The following MYOM2 variants were observed in gnomAD, a reference collection of about 807,000 sequenced individuals.
MYOM2 encodes the protein myomesin-2.
MYOM2 carries 254 observed loss-of-function variants against 187.6 expected under a neutral mutation model. The ratio of observed to expected loss-of-function variants is 1.35; its 90% CI spans 1.22 to 1.50. The LOEUF (loss-of-function observed/expected upper bound fraction) is 1.50. Among genes scored for constraint, MYOM2 ranks in the 40% most tolerant of loss-of-function variants. The probability of loss-of-function intolerance (pLI) is 0.00; values close to 1 mark genes in which losing one functional copy is unlikely to be tolerated. For synonymous variants in MYOM2, 981 were observed against 753.8 expected (o/e 1.30, Z -4.94); for missense variants, 2,796 against 1,924.0 (o/e 1.45, Z -8.48).
At chr8:2,102,030 G>A (rs1796727091) in intron 20 of MYOM2, 1 of 152,284 alleles carries the variant, frequency 6.6e-6, no homozygotes, top group Non-Finnish European at 1.5e-5. Flanking sequence ...CCTGTGGTGG[G>A]GTGGGCCTGC....
intron 31 of MYOM2, among the ~76,000 whole-genome samples, chr8:2,124,707 C>T (rs1797577960): frequency 6.6e-6 from 1 of 152,196 alleles, no homozygotes; most frequent in South Asian, 2.1e-4. Context: ...TATTAATTTA[C>T]ATGCCACCAA....
chr8:2,118,607 G>C (rs1797324668), intron 28 of MYOM2, among the ~76,000 whole-genome samples: 1 of 152,254 alleles, frequency 6.6e-6, no homozygotes. Context: ...GCAGGCCAGT[G>C]AGTGGGAAAA....
rs1798248774 is a variant in MYOM2, at chr8:2,140,820, A to G, written c.3898A>G (p.Lys1300Glu). ...ICEPTEKDKG[K>E]YTFEIFDGKD... is the part of the protein sequence containing the mutation. ...TGAGCCGACTGAGAAGGATAAAGGA[A>G]AATACACTTTTGAGATTTTCGATGG... Residue 1300 changes from lysine (K) to glutamate (E), a missense_variant, in exon 33 of 37, where the codon AAA becomes GAA. Lys to Glu is a moderately conservative substitution (Grantham distance 56). Coordinates refer to ENST00000262113, the MANE Select transcript of MYOM2 (RefSeq NM_003970.4). 5.6e-6 allele frequency: 9 copies of G among 1,613,998 alleles called. No individual in the cohort carries two copies. The highest frequency in any genetic ancestry group is 1.3e-5 in the African/African-American group (1 of 74,934).
intron 6 of MYOM2, among the ~76,000 whole-genome samples, chr8:2,064,203 G>A (rs1818939613): frequency 6.6e-6 from 1 of 152,184 alleles, no homozygotes; most frequent in South Asian, 2.1e-4. Context: ...GCAGGCAGGG[G>A]GCAAACCCTG....
In MYOM2 at chr8:2,078,934, G is replaced by T. The variant is rs140950205; in HGVS notation, c.1462+1G>T. The T allele has an allele frequency of 9.9e-6, 16 of 1,613,564 alleles. No homozygotes were observed. In the African/African-American group the frequency reaches 1.9e-4, roughly 19 times the overall value. On this transcript the variant is annotated splice_donor_variant, in intron 12 of 36. Transcript: ENST00000262113. LOFTEE classifies it high-confidence loss of function. ...CCCTTGGACCTCAGAAGGTTACAAG[G>T]TAAGCTGCTCACGCCTAAGTATCCA...
chr8:2,127,935 G>C (rs1797714277), intron 31 of MYOM2: 1 of 152,352 alleles, frequency 6.6e-6, no homozygotes. Flanking sequence ...AAAACAAAGA[G>C]CTTCACCATC....
intron 34 of MYOM2, 145 bp downstream of exon 34, chr8:2,141,322 C>T (rs968463611): frequency 5.5e-5 from 35 of 631,678 alleles, no homozygotes; most frequent in Middle Eastern, 5.1e-4. Flanking sequence ...TTAAGCAATG[C>T]AGTATATGGA....
intron 8 of MYOM2, among the ~76,000 whole-genome samples, chr8:2,071,852 G>A (rs1236782883): frequency 6.6e-6 from 1 of 152,120 alleles, no homozygotes; most frequent in Non-Finnish European, 1.5e-5. Context: ...GTGTCCTCAC[G>A]TGGAAGGAAG....
At chr8:2,065,890 C>A (rs900142244) in intron 6 of MYOM2, among the ~76,000 whole-genome samples, 6 of 152,180 alleles carry the variant, frequency 3.9e-5, no homozygotes, top group African/African-American at 1.4e-4. Flanking sequence ...AGTTTAAAAA[C>A]GGCTAAAACA....
At chr8:2,138,891 G>C (rs1798175126) in intron 32 of MYOM2, among the ~76,000 whole-genome samples, 1 of 152,002 alleles carries the variant, frequency 6.6e-6, no homozygotes. Flanking sequence ...GGCTTAGTGT[G>C]CGCCAGGATC....
At chr8:2,045,807 G>A (rs921616440) in intron 1 of MYOM2, among the ~76,000 whole-genome samples, 6 of 152,312 alleles carry the variant, frequency 3.9e-5, no homozygotes, top group Middle Eastern at 3.4e-3. Context: ...TTCTCAGGGC[G>A]TGCTCTTGAA....
At chr8:2,061,573 C>T (rs760306486) in intron 6 of MYOM2, among the ~76,000 whole-genome samples, 66 of 152,230 alleles carry the variant, frequency 4.3e-4, no homozygotes, top group Non-Finnish European at 8.1e-4. Flanking sequence ...CCGGTGGTGC[C>T]CCTCCCCGAG....
chr8:2,087,462 A>G (rs187253159), intron 14 of MYOM2, among the ~76,000 whole-genome samples: 1 of 152,282 alleles, frequency 6.6e-6, no homozygotes, highest in East Asian at 1.9e-4. Context: ...TTACATCATT[A>G]ATTCTGGGTG....
In MYOM2 at chr8:2,133,965, G is replaced by GCCTTGTGTAGCCACCTCCACCC. The variant is rs1797965279; in HGVS notation, c.3800+4733_3800+4734insCCTTGTGTAGCCACCTCCACCC. Reference sequence around the variant, plus strand: ...TCCACCCTCTTCCCCTGAGGTTAACGTCTTCTGTAGCCACCTCCACCCTCT... The same window carrying GCCTTGTGTAGCCACCTCCACCC: ...TCCACCCTCTTCCCCTGAGGTTAACGCCTTGTGTAGCCACCTCCACCCTCTTCTGTAGCCACCTCCACCCTCT... On this transcript the variant is annotated intron_variant, in intron 32 of 36. Transcript: ENST00000262113. Among the ~76,000 whole-genome samples, 3 of 128,402 alleles carry GCCTTGTGTAGCCACCTCCACCC rather than the reference G, an allele frequency of 2.3e-5. 1 individual carries two copies. The Admixed American group carries it at 2.4e-4, about 10-fold the overall frequency. The allele number at this position is 128,402 out of a possible 152,430, so 84.2% of individuals were successfully genotyped here. A position where few individuals can be genotyped will look rare whatever the true frequency, so the allele number is the denominator to read the frequency against.
intron 20 of MYOM2, among the ~76,000 whole-genome samples, chr8:2,101,277 C>T (rs775038620): frequency 1.1e-4 from 16 of 152,196 alleles, no homozygotes; most frequent in Non-Finnish European, 1.9e-4. Flanking sequence ...CGCTTGAACC[C>T]GGGAGGCGGA....
At chr8:2,078,664 T>C (rs1819515265) in intron 11 of MYOM2, 70 bp from the exon 12 acceptor site, 3 of 1,404,156 alleles carry the variant, frequency 2.1e-6, no homozygotes, top group South Asian at 1.2e-5. Context: ...CATATATGCA[T>C]ATACCTATGT....
intron 10 of MYOM2, among the ~76,000 whole-genome samples, chr8:2,075,324 C>G (rs781241655): frequency 9.9e-5 from 15 of 152,148 alleles, no homozygotes; most frequent in Non-Finnish European, 1.9e-4. Context: ...CAACACGGCT[C>G]AAATCGCCTT....
intron 10 of MYOM2, among the ~76,000 whole-genome samples, chr8:2,075,263 C>G (rs1247828511): frequency 6.6e-6 from 1 of 152,160 alleles, no homozygotes; most frequent in Non-Finnish European, 1.5e-5. Flanking sequence ...CTTCCGTCTT[C>G]TGCATGTGCC....
At chr8:2,140,309 G>A (rs1381065953) in intron 32 of MYOM2, among the ~76,000 whole-genome samples, 2 of 148,940 alleles carry the variant, frequency 1.3e-5, no homozygotes, top group African/African-American at 2.5e-5. Context: ...CCTCCCCACC[G>A]GGGCGGTCGT....
Sources: gnomAD v4.1 joint callset for allele counts (sites outside exome capture counted in the v4.1 genomes callset) on GRCh38, gnomAD v4.1.1 for gene constraint, MANE v1.5 for transcripts, NCBI Gene and HGNC (gene_info 2026-07-23, HGNC 2026-07-21) for gene names.